RAF1: variants seen among roughly 807,000 people sequenced by gnomAD.
The protein encoded by RAF1 is RAF proto-oncogene serine/threonine-protein kinase.
RAF1 carries 27 observed loss-of-function variants against 81.1 expected under a neutral mutation model. The ratio of observed to expected loss-of-function variants is 0.33; its 90% confidence interval spans 0.25 to 0.46. The LOEUF (loss-of-function observed/expected upper bound fraction) is 0.46. Among genes scored for constraint, RAF1 ranks in the 20% least tolerant of loss-of-function variants. The pLI is 1.00. For synonymous variants in RAF1, 298 were observed against 294.0 expected, an observed-to-expected ratio of 1.01 and a Z score of -0.14; for missense variants, 598 against 826.0, an observed-to-expected ratio of 0.72 and a Z score of 3.38.
At chr3:12,662,172 T>TA (rs1468811248) in intron 1 of RAF1, among the ~76,000 whole-genome samples, 1 of 112,656 alleles carries the variant, frequency 8.9e-6, no homozygotes, top group Non-Finnish European at 1.9e-5. Flanking sequence ...CCATCTCTAC[T>TA]ATTTTTTTTT....
At position 12,603,066 on chromosome 3, in the gene RAF1, T is replaced by G. The variant is rs79129221; in HGVS notation, c.894+412A>C. Among the ~76,000 whole-genome samples the G allele has an allele frequency of 1.7e-3, 259 of 152,256 alleles. 1 individual carries two copies. The highest frequency in any genetic ancestry group is 6.0e-3 in the African/African-American group (250 of 41,530). The stretch of plus-strand genomic sequence containing the variant: ...TTGGCCTCAAAATCTAACTTAACAT[T>G]TTTTGTTTGTTTTTAAGGTGGATTC... On this transcript the variant is annotated intron_variant, in intron 8 of 17. Transcript: ENST00000442415.
chr3:12,591,952 C>G, intron 11 of RAF1, 160 bp from the exon 11 acceptor site: 1 of 670,690 alleles, frequency 1.5e-6, no homozygotes, highest in Non-Finnish European at 2.7e-6. Flanking sequence ...GAGACAGGGT[C>G]TCACTCTGTT....
At chr3:12,600,499 A>T in intron 8 of RAF1, 84 bp from the exon 8 acceptor site, 1 of 1,451,818 alleles carries the variant, frequency 6.9e-7, no homozygotes, top group South Asian at 1.2e-5. Context: ...GAGGATGTGC[A>T]AGAACAAAAT....
chr3:12,614,308 G>A (rs1260642687), intron 2 of RAF1, among the ~76,000 whole-genome samples: 2 of 152,142 alleles, frequency 1.3e-5, no homozygotes, highest in African/African-American at 4.8e-5. Context: ...TCAAAACACT[G>A]GGAAAGGAGT....
At chr3:12,585,069 G>A (rs558106991) in intron 16 of RAF1, 53 bp downstream of exon 15, 123 of 1,614,080 alleles carry the variant, frequency 7.6e-5, no homozygotes, top group Middle Eastern at 1.6e-4. Context: ...TTAGGCTGGC[G>A]GAGGCCCAGG....
At chr3:12,663,064 G>C (rs924274589) in intron 1 of RAF1, among the ~76,000 whole-genome samples, 15 of 152,190 alleles carry the variant, frequency 9.9e-5, no homozygotes, top group African/African-American at 3.4e-4. Context: ...CAGAGCCCTA[G>C]AACGAGAACA....
Position 12,586,015 on chromosome 3 carries a change from T to A in RAF1, c.1478-216A>T. The stretch of plus-strand genomic sequence containing the variant: ...GGGATTGGTCAATGTGCCAGATTAT[T>A]TGGCCCTAGCCAAAAGCAAGCCAGC... On this transcript the variant is annotated intron_variant, in intron 14 of 17. Transcript: ENST00000442415. 1.5e-5 allele frequency: 8 copies of A among 540,198 alleles called. No individual in the cohort carries two copies. The South Asian group carries it at 1.6e-4, about 11-fold the overall frequency. 33.5% of individuals were successfully genotyped at this position (540,198 alleles called of 1,614,324 possible).
chr3:12,634,766 T>C (rs928911628), intron 1 of RAF1, among the ~76,000 whole-genome samples: 1 of 152,112 alleles, frequency 6.6e-6, no homozygotes, highest in African/African-American at 2.4e-5. Context: ...AAATAGCCCA[T>C]ATTTTCAAAG....
chr3:12,619,501 G>C (rs946333780), intron 1 of RAF1, among the ~76,000 whole-genome samples: 3 of 150,820 alleles, frequency 2.0e-5, no homozygotes, highest in Admixed American at 6.6e-5. Flanking sequence ...GGAGGTGGAG[G>C]TTGCAGTGAG....
At chr3:12,595,864 A>T (rs2058669720) in intron 11 of RAF1, among the ~76,000 whole-genome samples, 1 of 148,542 alleles carries the variant, frequency 6.7e-6, no homozygotes, top group South Asian at 2.1e-4. Context: ...ACTAGAATAT[A>T]AACTCCTTAA....
At position 12,585,158 on chromosome 3, in the gene RAF1, C is replaced by G. The variant is rs763317317; in HGVS notation, c.1692G>C (p.Gly564=). ...TGTTGATGTGAGAATAAGGAAGCTC[C>G]CCCGTCATCAGTTCATACAATACGA... The change falls in exon 16 of 18, where the codon GGG becomes GGC. Residue 564 remains glycine, a synonymous_variant. Transcript: ENST00000442415. 2 of 1,614,188 alleles carry G rather than the reference C, an allele frequency of 1.2e-6. No individual in the cohort carries two copies. Among genetic ancestry groups the G allele is most frequent in the Non-Finnish European group, 8.5e-7 (1 of 1,180,028 alleles).
At chr3:12,650,932 G>A (rs1045501160) in intron 1 of RAF1, among the ~76,000 whole-genome samples, 1 of 152,182 alleles carries the variant, frequency 6.6e-6, no homozygotes, top group Non-Finnish European at 1.5e-5. Context: ...TGAGCTTAAA[G>A]GGGCAATATT....
At chr3:12,634,774 A>G (rs973324156) in intron 1 of RAF1, among the ~76,000 whole-genome samples, 2 of 152,160 alleles carry the variant, frequency 1.3e-5, no homozygotes, top group African/African-American at 4.8e-5. Context: ...CATATTTTCA[A>G]AGTTAGCCCC....
At chr3:12,663,311 CAAG>C (rs1309454355) in intron 1 of RAF1, among the ~76,000 whole-genome samples, 3 of 152,210 alleles carry the variant, frequency 2.0e-5, no homozygotes, top group African/African-American at 7.2e-5. Context: ...TCCTGATACC[CAAG>C]AAGAGGCCCC....
At chr3:12,626,216 C>T (rs2059697327) in intron 1 of RAF1, among the ~76,000 whole-genome samples, 1 of 145,954 alleles carries the variant, frequency 6.9e-6, no homozygotes, top group Non-Finnish European at 1.5e-5. Flanking sequence ...TGCACTCCAG[C>T]TTGAGCAACA....
chr3:12,628,759 G>T (rs914708602), intron 1 of RAF1, among the ~76,000 whole-genome samples: 1 of 138,626 alleles, frequency 7.2e-6, no homozygotes, highest in African/African-American at 2.6e-5. Flanking sequence ...TTTGGGGGGG[G>T]GGGGTGGCGG....
At chr3:12,660,303 CT>C (rs11315063) in intron 1 of RAF1, among the ~76,000 whole-genome samples, 54,050 of 148,872 alleles carry the variant, frequency 0.36, 10,167 homozygotes, top group African/African-American at 0.45. Flanking sequence ...TGAAGGCACA[CT>C]TTTTTTTTTT....
At chr3:12,601,345 G>A (rs934672023) in intron 8 of RAF1, among the ~76,000 whole-genome samples, 6 of 152,144 alleles carry the variant, frequency 3.9e-5, no homozygotes, top group African/African-American at 1.4e-4. Flanking sequence ...CTGCCTTATG[G>A]GTAAATTTGG....
In RAF1 at chr3:12,604,065, A is replaced by G. The variant is rs2058947654; in HGVS notation, c.834+71T>C. On this transcript the variant is annotated intron_variant, in intron 7 of 17. Coordinates refer to ENST00000442415, the MANE Select transcript of RAF1 (RefSeq NM_001354689.3). ...ATTCCTTGATCAGATTTGAAACCCA[A>G]AACTCTGAAATAAGTATCAACCTCA... 17 of 1,576,478 alleles carry G rather than the reference A, an allele frequency of 1.1e-5. No individual in the cohort carries two copies. The South Asian group carries it at 1.9e-4, about 18-fold the overall frequency.
Sources: gnomAD v4.1 joint callset for allele counts (sites outside exome capture counted in the v4.1 genomes callset) on GRCh38, gnomAD v4.1.1 for gene constraint, MANE v1.5 for transcripts, NCBI Gene and HGNC (gene_info 2026-07-23, HGNC 2026-07-21) for gene names.